The following NEK11 variants were observed in gnomAD, a reference collection of about 807,000 sequenced individuals.
NEK11 encodes the protein serine/threonine-protein kinase Nek11.
In NEK11, 72 loss-of-function variants were observed where a neutral mutation model predicts 80.7. That is an observed-to-expected ratio of 0.89 (90% CI 0.74 to 1.08). NEK11 has a LOEUF of 1.08. Ranked by LOEUF, NEK11 falls within the 50% of genes least tolerant of loss-of-function variation. NEK11 has a pLI of 0.00. For missense variants in NEK11, 764 were observed against 763.6 expected (o/e 1.00, Z -0.01); for synonymous variants, 251 against 260.7 (o/e 0.96, Z 0.36).
At chr3:131,165,554 A>T (rs746374741) in intron 12 of NEK11, 35 bp downstream of exon 12, 6 of 1,419,848 alleles carry the variant, frequency 4.2e-6, no homozygotes, top group Non-Finnish European at 4.9e-6. Context: ...TTACATAAAA[A>T]TTTTTCTTGC....
chr3:131,057,283 A>G (rs1321887919), intron 3 of NEK11, among the ~76,000 whole-genome samples: 1 of 151,918 alleles, frequency 6.6e-6, no homozygotes, highest in Admixed American at 6.5e-5. Context: ...AATCCAGTCT[A>G]TCATTGTTGG....
At chr3:131,168,273 G>A (rs1166744216) in intron 12 of NEK11, among the ~76,000 whole-genome samples, 1 of 151,934 alleles carries the variant, frequency 6.6e-6, no homozygotes, top group Non-Finnish European at 1.5e-5. Context: ...GATTGCCTAT[G>A]AATCTTGTTA....
intron 15 of NEK11, among the ~76,000 whole-genome samples, chr3:131,232,851 C>T (rs2095356419): frequency 1.3e-5 from 2 of 152,162 alleles, no homozygotes; most frequent in Admixed American, 1.3e-4. Context: ...TCATTCTATG[C>T]TCGGTACTTT....
chr3:131,199,773 G>C (rs1414669445), intron 14 of NEK11, among the ~76,000 whole-genome samples: 1 of 152,078 alleles, frequency 6.6e-6, no homozygotes, highest in Non-Finnish European at 1.5e-5. Context: ...GACTAGACTA[G>C]TTTTCATAAA....
At chr3:131,264,015 T>G (rs1330493447) in intron 16 of NEK11, among the ~76,000 whole-genome samples, 1 of 152,264 alleles carries the variant, frequency 6.6e-6, no homozygotes, top group African/African-American at 2.4e-5. Flanking sequence ...TGTCTTCTTT[T>G]GAGAAGTGTC....
intron 4 of NEK11, among the ~76,000 whole-genome samples, chr3:131,098,162 G>T (rs1256144414): frequency 1.3e-5 from 2 of 152,070 alleles, no homozygotes; most frequent in Non-Finnish European, 2.9e-5. Context: ...ATTCAAGGTG[G>T]ATTTAAGACT....
chr3:131,341,887 A>G (rs1372884850), intron 17 of NEK11, among the ~76,000 whole-genome samples: 2 of 152,146 alleles, frequency 1.3e-5, no homozygotes, highest in Non-Finnish European at 2.9e-5. Context: ...CCATCATGTT[A>G]TGGGTATATT....
chr3:131,102,446 A>G (rs1578282229), intron 4 of NEK11, among the ~76,000 whole-genome samples: 1 of 152,108 alleles, frequency 6.6e-6, no homozygotes, highest in Admixed American at 6.6e-5. Context: ...TCTTTGTTTG[A>G]TGAGATATGA....
chr3:131,139,271 A>G (rs1312770081), intron 7 of NEK11, among the ~76,000 whole-genome samples: 1 of 151,214 alleles, frequency 6.6e-6, no homozygotes, highest in Non-Finnish European at 1.5e-5. Flanking sequence ...TAATAGCAGA[A>G]TTGATCAAGT....
intron 16 of NEK11, among the ~76,000 whole-genome samples, chr3:131,254,473 T>C (rs16836222): frequency 0.11 from 16,588 of 152,182 alleles, 1,480 homozygotes; most frequent in African/African-American, 0.24. Flanking sequence ...ATCAGTGTTA[T>C]TGTTTAGCAG....
At chr3:131,117,032 T>C (rs2081352521) in intron 5 of NEK11, among the ~76,000 whole-genome samples, 1 of 152,234 alleles carries the variant, frequency 6.6e-6, no homozygotes, top group Admixed American at 6.5e-5. Context: ...TTTGGTGTTT[T>C]AGTCATGAAG....
chr3:131,304,318 G>C (rs1373672403), intron 17 of NEK11, among the ~76,000 whole-genome samples: 2 of 152,188 alleles, frequency 1.3e-5, no homozygotes, highest in African/African-American at 4.8e-5. Flanking sequence ...TTGTTTTATT[G>C]TATTCCTTAG....
At position 131,152,742 on chromosome 3, in the gene NEK11, G is replaced by T. The variant is rs763431929; in HGVS notation, c.876+33G>T. 5 of 1,434,908 alleles carry T rather than the reference G, an allele frequency of 3.5e-6. No homozygotes were observed. In the South Asian group the frequency reaches 4.6e-5, roughly 13 times the overall value. The allele number at this position is 1,434,908 out of a possible 1,614,324, so 88.9% of individuals were successfully genotyped here. On this transcript the variant is annotated intron_variant, in intron 9 of 17. Coordinates refer to ENST00000383366, the MANE Select transcript of NEK11 (RefSeq NM_024800.5). ...AAATGAAAGGGATTCTGGGAAACAG[G>T]TATGAGCATTTGTATACACATTCCA... is the stretch of plus-strand genomic sequence containing the variant.
rs1271705382 is a variant in NEK11 at position 131,105,325 on chromosome 3, T to C, written c.337-4478T>C. Among the ~76,000 whole-genome samples, 5 of 152,340 alleles carry C rather than the reference T, an allele frequency of 3.3e-5. No individual in the cohort carries two copies. In the East Asian group the frequency reaches 9.6e-4, roughly 29 times the overall value. ...ATAAAGGATGAAATTCTAATTTCCC[T>C]TCATAGTGTTTTTGATATTAATGCT... On this transcript the variant is annotated intron_variant, in intron 4 of 17. Coordinates refer to ENST00000383366, the MANE Select transcript of NEK11 (RefSeq NM_024800.5).
intron 17 of NEK11, among the ~76,000 whole-genome samples, chr3:131,305,028 G>A (rs751855675): frequency 7.2e-5 from 11 of 151,896 alleles, no homozygotes; most frequent in Non-Finnish European, 1.5e-4. Flanking sequence ...TTGTGCTGGT[G>A]GCAGCAGGGG....
chr3:131,055,238 T>C (rs1445844349), intron 3 of NEK11, among the ~76,000 whole-genome samples: 1 of 152,226 alleles, frequency 6.6e-6, no homozygotes, highest in Non-Finnish European at 1.5e-5. Context: ...GGAAGTAGTG[T>C]TTACTATAAG....
intron 14 of NEK11, among the ~76,000 whole-genome samples, chr3:131,186,444 A>C (rs1416621487): frequency 6.6e-6 from 1 of 152,154 alleles, no homozygotes; most frequent in Non-Finnish European, 1.5e-5. Context: ...TATCAAGATA[A>C]TGTAGGGAGA....
chr3:131,090,792 GT>G (rs1441546322), intron 4 of NEK11, among the ~76,000 whole-genome samples: 2 of 152,076 alleles, frequency 1.3e-5, no homozygotes, highest in African/African-American at 4.8e-5. Flanking sequence ...TGAGATTGGG[GT>G]TTCATTCTGT....
intron 17 of NEK11, among the ~76,000 whole-genome samples, chr3:131,337,319 C>T (rs1348721101): frequency 6.6e-6 from 1 of 152,054 alleles, no homozygotes; most frequent in Admixed American, 6.5e-5. Flanking sequence ...TTTGTAGGGA[C>T]ATGGATGAAA....
Sources: allele counts gnomAD v4.1 joint callset (sites outside exome capture counted in the v4.1 genomes callset), GRCh38; gene constraint gnomAD v4.1.1; transcripts MANE v1.5; gene names NCBI Gene and HGNC (gene_info 2026-07-23, HGNC 2026-07-21).